Variants in DOCK4 observed in about 807,000 individuals in gnomAD.
DOCK4 encodes the protein dedicator of cytokinesis protein 4.
In DOCK4, 97 loss-of-function variants were observed where a neutral mutation model predicts 268.1. The observed-to-expected ratio is 0.36, with a 90% CI of 0.31 to 0.43. The LOEUF is 0.43. Ranked by LOEUF, DOCK4 falls within the 20% of genes least tolerant of loss-of-function variation. The pLI is 1.00. For missense variants in DOCK4, 2,145 were observed against 2,455.7 expected, an observed-to-expected ratio of 0.87 and a Z score of 2.67; for synonymous variants, 954 against 887.2, an observed-to-expected ratio of 1.08 and a Z score of -1.34.
At chr7:111,792,629 C>A (rs1001378751) in intron 30 of DOCK4, among the ~76,000 whole-genome samples, 7 of 152,106 alleles carry the variant, frequency 4.6e-5, no homozygotes, top group African/African-American at 1.7e-4. Flanking sequence ...GTGATCCACC[C>A]GCCTCAGCCT....
chr7:111,987,464 A>C (rs1321173181), intron 6 of DOCK4, among the ~76,000 whole-genome samples: 1 of 58,130 alleles, frequency 1.7e-5, no homozygotes, highest in African/African-American at 2.3e-4. Flanking sequence ...AAAATAATTC[A>C]GAGTCCTCAA....
chr7:112,101,539 T>A (rs528893740), intron 1 of DOCK4, among the ~76,000 whole-genome samples: 23 of 152,196 alleles, frequency 1.5e-4, no homozygotes, highest in Non-Finnish European at 2.8e-4. Flanking sequence ...CTGAAGCAAT[T>A]CCCTCAGCTG....
intron 37 of DOCK4, among the ~76,000 whole-genome samples, chr7:111,768,252 G>A (rs1253014485): frequency 6.6e-6 from 1 of 152,158 alleles, no homozygotes; most frequent in Non-Finnish European, 1.5e-5. Context: ...GACTCCCGGG[G>A]ATGGACCAAT....
At chr7:111,741,823 C>T (rs1795936497) in intron 45 of DOCK4, among the ~76,000 whole-genome samples, 162 bp from the exon 46 acceptor site, 1 of 152,216 alleles carries the variant, frequency 6.6e-6, no homozygotes, top group Non-Finnish European at 1.5e-5. Flanking sequence ...CCCTCACTTA[C>T]ATTTGTGTTT....
At chr7:111,787,766 T>C (rs1275915243) in intron 32 of DOCK4, among the ~76,000 whole-genome samples, 1 of 152,240 alleles carries the variant, frequency 6.6e-6, no homozygotes, top group Non-Finnish European at 1.5e-5. Flanking sequence ...AACACGAATA[T>C]ATTTTGTCAT....
chr7:112,088,722 A>G (rs918484055), intron 1 of DOCK4, among the ~76,000 whole-genome samples: 6 of 152,144 alleles, frequency 3.9e-5, no homozygotes, highest in Non-Finnish European at 7.4e-5. Context: ...CTTATGGTGA[A>G]CATCAAACAT....
At chr7:111,812,031 TA>T (rs1156629990) in intron 27 of DOCK4, 82 bp from the exon 28 acceptor site, 1 of 731,602 alleles carries the variant, frequency 1.4e-6, no homozygotes, top group Non-Finnish European at 2.2e-6. Flanking sequence ...CCTACTAAGA[TA>T]AAATAAAACC....
At chr7:111,903,386 T>G (rs960555716) in intron 13 of DOCK4, among the ~76,000 whole-genome samples, 2 of 152,228 alleles carry the variant, frequency 1.3e-5, no homozygotes, top group Non-Finnish European at 2.9e-5. Flanking sequence ...GAATTTCTAG[T>G]ACTCTTATAC....
At chr7:111,912,302 T>G (rs1160988912) in intron 13 of DOCK4, among the ~76,000 whole-genome samples, 1 of 152,200 alleles carries the variant, frequency 6.6e-6, no homozygotes, top group Admixed American at 6.5e-5. Flanking sequence ...AGTATTTTAT[T>G]TGGTCTATTG....
intron 27 of DOCK4, among the ~76,000 whole-genome samples, chr7:111,815,039 C>T (rs537019354): frequency 1.6e-4 from 25 of 152,190 alleles, no homozygotes; most frequent in South Asian, 1.2e-3. Flanking sequence ...TATACATAAA[C>T]GCTGAGAAAT....
chr7:111,851,989 A>AT (rs1804613478), intron 23 of DOCK4, among the ~76,000 whole-genome samples: 1 of 130,348 alleles, frequency 7.7e-6, no homozygotes, highest in Non-Finnish European at 1.6e-5. Flanking sequence ...CTTGAGACAG[A>AT]GTCTCACTCT....
intron 42 of DOCK4, among the ~76,000 whole-genome samples, chr7:111,752,818 C>A (rs1183538607): frequency 6.6e-6 from 1 of 151,866 alleles, no homozygotes; most frequent in Non-Finnish European, 1.5e-5. Flanking sequence ...GAATTCCTGA[C>A]CTCAGGTGAT....
intron 51 of DOCK4, among the ~76,000 whole-genome samples, chr7:111,732,684 G>A (rs759396431): frequency 2.0e-5 from 3 of 152,178 alleles, no homozygotes; most frequent in Non-Finnish European, 4.4e-5. Flanking sequence ...TTTGGCGTGA[G>A]CACCAATGGG....
At chr7:112,205,899 C>A (rs984032847) in intron 1 of DOCK4, among the ~76,000 whole-genome samples, 1 of 152,148 alleles carries the variant, frequency 6.6e-6, no homozygotes, top group African/African-American at 2.4e-5. Flanking sequence ...CAGTGCGGGG[C>A]GCGCCGAGCA....
intron 1 of DOCK4, among the ~76,000 whole-genome samples, chr7:112,204,807 T>A (rs1821240976): frequency 6.6e-6 from 1 of 151,706 alleles, no homozygotes; most frequent in Non-Finnish European, 1.5e-5. Flanking sequence ...TGTTTTAAAT[T>A]GCAGGAAAAT....
At chr7:112,200,594 A>G (rs1186075677) in intron 1 of DOCK4, among the ~76,000 whole-genome samples, 1 of 152,134 alleles carries the variant, frequency 6.6e-6, no homozygotes. Context: ...AAACATAGAC[A>G]TATTGTATCA....
chr7:111,916,034 C>T (rs1007792641), intron 12 of DOCK4, 130 bp from the exon 13 acceptor site: 6 of 955,802 alleles, frequency 6.3e-6, no homozygotes, highest in South Asian at 4.7e-5. Context: ...CCGACGAAAT[C>T]GACAGAATCT....
chr7:112,154,644 GAT>G (rs1816441777), intron 1 of DOCK4, among the ~76,000 whole-genome samples: 1 of 152,148 alleles, frequency 6.6e-6, no homozygotes, highest in Non-Finnish European at 1.5e-5. Flanking sequence ...AACAGACACT[GAT>G]ATGTTTTCCT....
chr7:112,072,279 GACA>G (rs1807664834), intron 1 of DOCK4, among the ~76,000 whole-genome samples: 1 of 151,988 alleles, frequency 6.6e-6, no homozygotes, highest in Non-Finnish European at 1.5e-5. Context: ...AAAATAACAT[GACA>G]ACAAGAAGTT....
Sources: allele counts gnomAD v4.1 joint callset (sites outside exome capture counted in the v4.1 genomes callset), GRCh38; gene constraint gnomAD v4.1.1; transcripts MANE v1.5; gene names NCBI Gene and HGNC (gene_info 2026-07-23, HGNC 2026-07-21).